The following GRIK2 variants were observed in gnomAD, a reference collection of about 807,000 sequenced individuals.
GRIK2 encodes glutamate ionotropic receptor kainate type subunit 2.
A neutral mutation model predicts 100.3 loss-of-function variants in GRIK2; 32 were observed. The ratio of observed to expected loss-of-function variants is 0.32; its 90% CI spans 0.24 to 0.43. GRIK2 has a LOEUF of 0.43. Ranked by LOEUF, GRIK2 falls within the 20% of genes least tolerant of loss-of-function variation. GRIK2 has a pLI of 1.00. For missense variants in GRIK2, 843 were observed against 1,114.9 expected, an observed-to-expected ratio of 0.76 and a Z score of 3.47; for synonymous variants, 417 against 389.4, an observed-to-expected ratio of 1.07 and a Z score of -0.83.
At chr6:101,538,039 A>G (rs549378493) in intron 2 of GRIK2, among the ~76,000 whole-genome samples, 5 of 151,956 alleles carry the variant, frequency 3.3e-5, no homozygotes, top group African/African-American at 1.2e-4. Context: ...TGTATGCACA[A>G]CAATAACATT....
chr6:101,699,948 A>G (rs1258660065), intron 7 of GRIK2, among the ~76,000 whole-genome samples: 2 of 152,034 alleles, frequency 1.3e-5, no homozygotes, highest in African/African-American at 2.4e-5. Context: ...GGAGTTCACG[A>G]CCAGCATAGA....
At chr6:101,739,957 G>A (rs1012893241) in intron 7 of GRIK2, among the ~76,000 whole-genome samples, 1 of 152,070 alleles carries the variant, frequency 6.6e-6, no homozygotes, top group Non-Finnish European at 1.5e-5. Flanking sequence ...AGCCTTTATA[G>A]ACATTGTTTT....
intron 2 of GRIK2, among the ~76,000 whole-genome samples, chr6:101,568,624 T>C (rs1777391976): frequency 6.6e-6 from 1 of 152,082 alleles, no homozygotes; most frequent in African/African-American, 2.4e-5. Flanking sequence ...TAAATGATGC[T>C]ACTAAGGATT....
rs547053438 is a variant in GRIK2, at chr6:101,985,409, T to C, written c.2086-49932T>C. 5.3e-5 allele frequency among the ~76,000 whole-genome samples: 8 copies of C among 151,870 alleles called. No individual in the cohort carries two copies. In the South Asian group the frequency reaches 1.7e-3, roughly 32 times the overall value. On this transcript the variant is annotated intron_variant, in intron 14 of 16. Transcript: ENST00000369134. ...CCTTTTATCAATGTAGAGAAGTAGT[T>C]TCTTATCTTCCCTGGTGACATTCTG...
At chr6:101,954,761 A>G (rs1354632139) in intron 14 of GRIK2, among the ~76,000 whole-genome samples, 1 of 152,154 alleles carries the variant, frequency 6.6e-6, no homozygotes, top group Non-Finnish European at 1.5e-5. Flanking sequence ...TGTAAATGAG[A>G]AAGGTGTACA....
At chr6:101,862,907 T>C (rs73496611) in intron 11 of GRIK2, among the ~76,000 whole-genome samples, 11,515 of 152,208 alleles carry the variant, frequency 0.076, 1,136 homozygotes, top group African/African-American at 0.23. Flanking sequence ...TGATCATCTT[T>C]TGAGTTTTTA....
chr6:101,989,513 C>A (rs927081301), intron 14 of GRIK2, among the ~76,000 whole-genome samples: 2 of 148,260 alleles, frequency 1.3e-5, no homozygotes, highest in Non-Finnish European at 3.0e-5. Flanking sequence ...AAGGTGAATT[C>A]ATTTGTAGGA....
At chr6:101,533,652 C>T (rs1775551629) in intron 2 of GRIK2, among the ~76,000 whole-genome samples, 1 of 151,876 alleles carries the variant, frequency 6.6e-6, no homozygotes, top group South Asian at 2.1e-4. Flanking sequence ...GCTATCACAC[C>T]TTCCATGCTG....
chr6:101,855,671 G>A (rs1472640179), intron 10 of GRIK2, among the ~76,000 whole-genome samples: 2 of 152,154 alleles, frequency 1.3e-5, no homozygotes, highest in Non-Finnish European at 2.9e-5. Flanking sequence ...TAGAAGCTAA[G>A]TTCAAAGAGA....
chr6:101,397,834 G>A (rs1353600442), intron 1 of GRIK2, among the ~76,000 whole-genome samples: 1 of 151,942 alleles, frequency 6.6e-6, no homozygotes, highest in African/African-American at 2.4e-5. Context: ...AGGTCCAACA[G>A]TTTGCCTTTT....
At chr6:101,745,517 TATTTTATATATATTTTTTGAGAAAC>T (rs1776370696) in intron 7 of GRIK2, among the ~76,000 whole-genome samples, 1 of 152,152 alleles carries the variant, frequency 6.6e-6, no homozygotes, top group African/African-American at 2.4e-5. Flanking sequence ...GATTGAGAAA[TATTTTATATATATTTTTTGAGAAAC>T]GTTTTATGTA....
intron 12 of GRIK2, among the ~76,000 whole-genome samples, chr6:101,905,704 T>G (rs1472763009): frequency 6.6e-6 from 1 of 151,438 alleles, no homozygotes; most frequent in South Asian, 2.1e-4. Context: ...TACCTACCTA[T>G]TTCTATTCAT....
chr6:101,396,662 A>G (rs1775021836), intron 1 of GRIK2, among the ~76,000 whole-genome samples: 1 of 152,196 alleles, frequency 6.6e-6, no homozygotes, highest in Non-Finnish European at 1.5e-5. Context: ...GTAGAAATTT[A>G]CACATTGTCA....
chr6:101,869,042 T>G (rs1032536074), intron 11 of GRIK2, among the ~76,000 whole-genome samples: 7 of 151,866 alleles, frequency 4.6e-5, no homozygotes, highest in African/African-American at 1.5e-4. Flanking sequence ...GGGAAGTCTT[T>G]AAGCTTGAAT....
At chr6:101,998,812 CTT>C (rs755522043) in intron 14 of GRIK2, among the ~76,000 whole-genome samples, 4 of 110,072 alleles carry the variant, frequency 3.6e-5, no homozygotes, top group Admixed American at 1.1e-4. Context: ...TTTTTCTTTT[CTT>C]TTTTTTTTTT....
Position 101,627,432 on chromosome 6 carries a change from G to A in GRIK2, c.541+795G>A, listed in dbSNP as rs988893827. Among the ~76,000 whole-genome samples, 4 of 152,062 alleles carry A rather than the reference G, an allele frequency of 2.6e-5. 1 individual carries two copies. Among genetic ancestry groups the A allele is most frequent in the Admixed American group, 1.3e-4 (2 of 15,258 alleles). Reference sequence around the variant, plus strand: ...GCTGGGATTACAGGTGTGAGCCACTGGACCCATTCTGAAATATTTATTTAA... The same window carrying A: ...GCTGGGATTACAGGTGTGAGCCACTAGACCCATTCTGAAATATTTATTTAA... On this transcript the variant is annotated intron_variant, in intron 4 of 16. Transcript: ENST00000369134.
intron 7 of GRIK2, among the ~76,000 whole-genome samples, chr6:101,705,136 A>T (rs1182220429): frequency 6.6e-6 from 1 of 150,660 alleles, no homozygotes; most frequent in African/African-American, 2.4e-5. Context: ...AGTTTAGATT[A>T]CTTTTCTTTT....
intron 16 of GRIK2, chr6:102,064,069 C>CT (rs1325202175): frequency 1.6e-5 from 17 of 1,046,568 alleles, no homozygotes; most frequent in Non-Finnish European, 2.5e-5. Flanking sequence ...TTGTGCCTTT[C>CT]TTTTTTCTTT....
intron 16 of GRIK2, among the ~76,000 whole-genome samples, chr6:102,061,540 G>T (rs1199632952): frequency 1.3e-5 from 2 of 150,450 alleles, no homozygotes; most frequent in African/African-American, 4.9e-5. Flanking sequence ...CAGATTATGG[G>T]CTTTGGTCAT....
Sources: gnomAD v4.1 joint callset for allele counts (sites outside exome capture counted in the v4.1 genomes callset) on GRCh38, gnomAD v4.1.1 for gene constraint, MANE v1.5 for transcripts, NCBI Gene and HGNC (gene_info 2026-07-23, HGNC 2026-07-21) for gene names.